Variants in ART3 observed in about 807,000 individuals in gnomAD.
The protein encoded by ART3 is ADP-ribosyltransferase 3 (inactive).
ART3 carries 49 observed loss-of-function variants against 48.5 expected under a neutral mutation model. The observed-to-expected ratio is 1.01, with a 90% CI of 0.80 to 1.28. The LOEUF is 1.28. Among genes scored for constraint, ART3 ranks in the 50% most tolerant of loss-of-function variants. The pLI, the probability that ART3 is intolerant of heterozygous loss-of-function variation, is 0.00. For synonymous variants in ART3, 145 were observed against 157.2 expected (o/e 0.92, Z 0.58); for missense variants, 438 against 454.3 (o/e 0.96, Z 0.33).
rs145233421 is a variant in ART3 at position 76,069,635 on chromosome 4, C to T, written c.-9-6246C>T. Reference sequence around the variant, plus strand: ...GAACTCCTGATCTCAAGTGATCCGCCTGCCTTGGCCTCCCAAAGTCCTGGG... The same window carrying T: ...GAACTCCTGATCTCAAGTGATCCGCTTGCCTTGGCCTCCCAAAGTCCTGGG... On this transcript the variant is annotated intron_variant, in intron 1 of 9. Coordinates refer to the ART3 transcript ENST00000341029. Among the ~76,000 whole-genome samples, 242 of 152,050 alleles carry T rather than the reference C, an allele frequency of 1.6e-3. 1 individual carries two copies. Among genetic ancestry groups the T allele is most frequent in the African/African-American group, 5.7e-3 (236 of 41,508 alleles).
intron 2 of ART3, among the ~76,000 whole-genome samples, chr4:76,078,626 T>C (rs1721668577): frequency 6.7e-6 from 1 of 148,412 alleles, no homozygotes; most frequent in African/African-American, 2.5e-5. Flanking sequence ...GCTGGCACAA[T>C]TCCCTCGTTT....
intron 1 of ART3, among the ~76,000 whole-genome samples, chr4:76,067,927 ATGT>A (rs1560608880): frequency 6.6e-6 from 1 of 152,098 alleles, no homozygotes; most frequent in East Asian, 1.9e-4. Flanking sequence ...CACCACTGTA[ATGT>A]TGTGCCTTGG....
intron 1 of ART3, among the ~76,000 whole-genome samples, chr4:76,053,193 AT>A (rs1474545040): frequency 6.6e-6 from 1 of 152,220 alleles, no homozygotes; most frequent in African/African-American, 2.4e-5. Flanking sequence ...GTTCATGCTG[AT>A]CACGTACAGG....
At chr4:76,111,505 T>G (rs1300254173) in intron 11 of ART3, among the ~76,000 whole-genome samples, 1 of 152,094 alleles carries the variant, frequency 6.6e-6, no homozygotes, top group Non-Finnish European at 1.5e-5. Flanking sequence ...TCCTTATGAT[T>G]TTAATATTTT....
At chr4:76,069,321 T>G (rs1720066028) in intron 1 of ART3, among the ~76,000 whole-genome samples, 1 of 151,790 alleles carries the variant, frequency 6.6e-6, no homozygotes, top group Non-Finnish European at 1.5e-5. Context: ...ATCAATAATC[T>G]ACTTTCTGTC....
chr4:76,033,521 CAAG>C (rs1173312417), intron 1 of ART3, among the ~76,000 whole-genome samples: 1 of 152,138 alleles, frequency 6.6e-6, no homozygotes, highest in Admixed American at 6.5e-5. Context: ...TTTGGACTAT[CAAG>C]ACCCCCCAAG....
At chr4:76,024,702 C>A (rs945378832) in intron 1 of ART3, among the ~76,000 whole-genome samples, 4 of 152,160 alleles carry the variant, frequency 2.6e-5, no homozygotes, top group African/African-American at 9.7e-5. Context: ...GCAGGCACCA[C>A]CCTGCAATGA....
At chr4:76,103,897 T>G (rs964292860) in intron 8 of ART3, 40 bp from the exon 9 acceptor site, 7 of 1,584,986 alleles carry the variant, frequency 4.4e-6, no homozygotes, top group Non-Finnish European at 6.1e-6. Flanking sequence ...CAGTATAAGA[T>G]AACTGATTAA....
intron 3 of ART3, among the ~76,000 whole-genome samples, chr4:76,089,722 CA>C (rs1724418845): frequency 2.1e-5 from 3 of 142,024 alleles, no homozygotes; most frequent in African/African-American, 8.2e-5. Flanking sequence ...AGTTCTACCT[CA>C]AGCTAGTAGT....
intron 10 of ART3, chr4:76,105,854 A>G (rs1728353790): frequency 1.0e-6 from 1 of 985,258 alleles, no homozygotes; most frequent in African/African-American, 1.7e-5. Flanking sequence ...GGGTGAAGGA[A>G]TCTGTAGACA....
At chr4:76,017,368 T>C (rs1732363340) in intron 1 of ART3, among the ~76,000 whole-genome samples, 1 of 151,940 alleles carries the variant, frequency 6.6e-6, no homozygotes, top group Admixed American at 6.6e-5. Context: ...AGAAATGTCA[T>C]CCAAGATCTA....
At chr4:76,083,817 C>T (rs1722983638) in intron 3 of ART3, among the ~76,000 whole-genome samples, 1 of 152,174 alleles carries the variant, frequency 6.6e-6, no homozygotes, top group Non-Finnish European at 1.5e-5. Flanking sequence ...GGTAATTATC[C>T]TTTCTCCAGC....
At chr4:76,109,129 ATAAACT>A (rs1729003502) in intron 11 of ART3, among the ~76,000 whole-genome samples, 1 of 152,088 alleles carries the variant, frequency 6.6e-6, no homozygotes, top group Non-Finnish European at 1.5e-5. Flanking sequence ...GTTTTACTTT[ATAAACT>A]TAATTTTAAT....
chr4:76,026,012 C>A (rs907335535), intron 1 of ART3, among the ~76,000 whole-genome samples: 2 of 151,972 alleles, frequency 1.3e-5, no homozygotes, highest in African/African-American at 2.4e-5. Flanking sequence ...GAATAAAATC[C>A]AAATTTCTAA....
intron 10 of ART3, among the ~76,000 whole-genome samples, chr4:76,105,066 G>C (rs930141720): frequency 1.3e-5 from 2 of 152,162 alleles, no homozygotes; most frequent in Non-Finnish European, 2.9e-5. Flanking sequence ...TCAGAGAAAA[G>C]GGTCCAGGAC....
intron 1 of ART3, chr4:76,035,133 A>C (rs1734243213): frequency 6.4e-7 from 1 of 1,553,584 alleles, no homozygotes; most frequent in Non-Finnish European, 8.6e-7. Flanking sequence ...TTAAAAGAAC[A>C]TACAAGAGTC....
chr4:76,011,546 C>T (rs1486797400), intron 1 of ART3, among the ~76,000 whole-genome samples: 5 of 152,150 alleles, frequency 3.3e-5, no homozygotes, highest in Admixed American at 1.3e-4. Flanking sequence ...AACCCTGGGC[C>T]GTGGGCTTCA....
chr4:76,090,996 C>T (rs1041934221), intron 3 of ART3, among the ~76,000 whole-genome samples: 11 of 152,168 alleles, frequency 7.2e-5, no homozygotes, highest in African/African-American at 2.7e-4. Flanking sequence ...TCATTCAAAT[C>T]TTATCATACA....
intron 1 of ART3, among the ~76,000 whole-genome samples, chr4:76,049,927 T>G (rs1291446130): frequency 1.3e-5 from 2 of 151,658 alleles, no homozygotes; most frequent in African/African-American, 2.4e-5. Flanking sequence ...GTTCGGAGTT[T>G]GTTCCTTCTG....
Sources: allele counts gnomAD v4.1 joint callset (sites outside exome capture counted in the v4.1 genomes callset), GRCh38; gene constraint gnomAD v4.1.1; transcripts MANE v1.5; gene names NCBI Gene and HGNC (gene_info 2026-07-23, HGNC 2026-07-21).